The following P4HA1 variants were observed in gnomAD, a reference collection of about 807,000 sequenced individuals.
P4HA1 encodes prolyl 4-hydroxylase subunit alpha-1.
A neutral mutation model predicts 72.8 loss-of-function variants in P4HA1; 24 were observed. The ratio of observed to expected loss-of-function variants is 0.33; its 90% CI spans 0.24 to 0.46. The LOEUF (loss-of-function observed/expected upper bound fraction) is 0.46, where lower values mean the gene tolerates loss of function less well. Among genes scored for constraint, P4HA1 ranks in the 20% least tolerant of loss-of-function variants. The pLI is 1.00. For missense variants in P4HA1, 446 were observed against 640.6 expected (o/e 0.70, Z 3.28); for synonymous variants, 201 against 218.8 (o/e 0.92, Z 0.72).
intron 5 of P4HA1, 145 bp from the exon 6 acceptor site, chr10:73,053,735 T>A (rs997387094): frequency 1.5e-6 from 1 of 648,430 alleles, no homozygotes; most frequent in Admixed American, 2.9e-5. Flanking sequence ...CCTAATTTTA[T>A]AAACAATGGA....
At chr10:73,058,451 T>C (rs913397804) in intron 5 of P4HA1, among the ~76,000 whole-genome samples, 1 of 152,190 alleles carries the variant, frequency 6.6e-6, no homozygotes, top group Non-Finnish European at 1.5e-5. Context: ...ATGACACGCA[T>C]AGCATTCTTG....
In P4HA1 at chr10:73,044,975, T is replaced by G; in HGVS notation, c.1148+6A>C. On this transcript the variant is annotated splice_donor_region_variant and intron_variant, in intron 9 of 14. Transcript: ENST00000394890. ...GGGCAAAATATGCAGCATACACATCTCTTACCTTTTGCTAATTCTGTAATG... is the reference window on the plus strand; with the variant it reads ...GGGCAAAATATGCAGCATACACATCGCTTACCTTTTGCTAATTCTGTAATG... The G allele has an allele frequency of 6.2e-7, 1 of 1,609,844 alleles. No individual in the cohort carries two copies. Among genetic ancestry groups the G allele is most frequent in the Non-Finnish European group, 8.5e-7 (1 of 1,176,422 alleles).
intron 5 of P4HA1, among the ~76,000 whole-genome samples, chr10:73,060,515 G>C (rs1460092469): frequency 6.6e-6 from 1 of 152,222 alleles, no homozygotes; most frequent in Non-Finnish European, 1.5e-5. Flanking sequence ...CCAGGCTGTA[G>C]TGCACCATGA....
intron 1 of P4HA1, among the ~76,000 whole-genome samples, chr10:73,095,519 C>CT (rs1477179453): frequency 7.4e-6 from 1 of 134,796 alleles, no homozygotes; most frequent in Non-Finnish European, 1.5e-5. Context: ...CTAACCAGAA[C>CT]TTTAAAAAAA....
At chr10:73,016,137 G>A (rs1247132634) in intron 11 of P4HA1, among the ~76,000 whole-genome samples, 1 of 152,004 alleles carries the variant, frequency 6.6e-6, no homozygotes, top group Non-Finnish European at 1.5e-5. Flanking sequence ...AGAATTCCCC[G>A]TCCTTGCCAT....
In P4HA1 at chr10:73,068,998, A is replaced by G; in HGVS notation, c.326-15T>C. The G allele has an allele frequency of 1.3e-6, 2 of 1,588,812 alleles. No individual in the cohort carries two copies. Among genetic ancestry groups the G allele is most frequent in the South Asian group, 2.3e-5 (2 of 88,370 alleles). ...AGAGATAAAGCCTTGAAATAGATAA[A>G]TCAAAGAAAAAAAAACTGTAGAACC... On this transcript the variant is annotated splice_polypyrimidine_tract_variant and intron_variant, in intron 4 of 14. Coordinates refer to ENST00000394890, the MANE Select transcript of P4HA1 (RefSeq NM_001017962.3).
At chr10:73,078,600 ATTTTT>A (rs770821126) in intron 1 of P4HA1, among the ~76,000 whole-genome samples, 2 of 99,700 alleles carry the variant, frequency 2.0e-5, no homozygotes, top group Admixed American at 1.0e-4. Context: ...GCAGTAGGTA[ATTTTT>A]TTTTTTTTTT....
intron 1 of P4HA1, among the ~76,000 whole-genome samples, chr10:73,079,071 A>G (rs976617951): frequency 1.3e-5 from 2 of 152,234 alleles, no homozygotes; most frequent in Non-Finnish European, 2.9e-5. Context: ...CTCTCTAACA[A>G]AAGAGTAGCT....
Position 73,058,064 on chromosome 10 carries a change from T to C in P4HA1, c.464-4474A>G, listed in dbSNP as rs1337767082. Among the ~76,000 whole-genome samples the C allele has an allele frequency of 8.4e-5, 10 of 119,600 alleles. No individual in the cohort carries two copies. In the Admixed American group the frequency reaches 1.2e-3, roughly 14 times the overall value. 78.5% of individuals were successfully genotyped at this position (119,600 alleles called of 152,430 possible). A position where few individuals can be genotyped will look rare whatever the true frequency, so the allele number is the denominator to read the frequency against. ...AAGATTGCACCACTGCACTCCAGTCTGGGTGACAGAGCAAGACTCCGTCCA... is the reference window on the plus strand; with the variant it reads ...AAGATTGCACCACTGCACTCCAGTCCGGGTGACAGAGCAAGACTCCGTCCA... On this transcript the variant is annotated intron_variant, in intron 5 of 14. Coordinates refer to ENST00000394890, the MANE Select transcript of P4HA1 (RefSeq NM_001017962.3).
chr10:73,038,168 T>C (rs780492089), intron 9 of P4HA1, among the ~76,000 whole-genome samples: 54 of 152,110 alleles, frequency 3.6e-4, no homozygotes, highest in Non-Finnish European at 6.5e-4. Flanking sequence ...GGTGGGAGGA[T>C]TGCTTGAGCC....
chr10:73,026,546 G>A (rs917262322), intron 10 of P4HA1, among the ~76,000 whole-genome samples: 14 of 152,258 alleles, frequency 9.2e-5, no homozygotes, highest in African/African-American at 3.4e-4. Context: ...ATAGGCATGG[G>A]CAAGGACTTC....
intron 4 of P4HA1, 21 bp downstream of exon 4, chr10:73,072,008 C>G (rs1433129672): frequency 1.9e-6 from 3 of 1,573,590 alleles, no homozygotes; most frequent in Non-Finnish European, 2.6e-6. Flanking sequence ...TTACCTTACT[C>G]AGGAATCTCT....
intron 5 of P4HA1, among the ~76,000 whole-genome samples, chr10:73,054,445 G>A (rs1248715556): frequency 6.6e-6 from 1 of 152,114 alleles, no homozygotes; most frequent in Non-Finnish European, 1.5e-5. Flanking sequence ...AAGAAACCCT[G>A]TAACCATTAA....
At chr10:73,075,616 A>G (rs1841679525) in intron 1 of P4HA1, among the ~76,000 whole-genome samples, 1 of 152,142 alleles carries the variant, frequency 6.6e-6, no homozygotes, top group African/African-American at 2.4e-5. Context: ...TAAATATTAA[A>G]TATTACCAAT....
chr10:73,094,368 C>T (rs1238588392), intron 1 of P4HA1, among the ~76,000 whole-genome samples: 3 of 152,016 alleles, frequency 2.0e-5, no homozygotes, highest in Non-Finnish European at 2.9e-5. Context: ...TTTAGGGGTT[C>T]TTATAATAAA....
At chr10:73,054,664 AG>A (rs1841096462) in intron 5 of P4HA1, among the ~76,000 whole-genome samples, 1 of 152,246 alleles carries the variant, frequency 6.6e-6, no homozygotes, top group Non-Finnish European at 1.5e-5. Context: ...TAACGTTTTG[AG>A]GAACTGCCAA....
intron 11 of P4HA1, 77 bp from the exon 12 acceptor site, chr10:73,014,366 G>T: frequency 9.6e-7 from 1 of 1,040,440 alleles, no homozygotes; most frequent in Non-Finnish European, 1.5e-6. Context: ...CTAAACATCA[G>T]TAGTAATATC....
chr10:73,009,471 C>T (rs145927668), intron 14 of P4HA1, among the ~76,000 whole-genome samples: 279 of 152,290 alleles, frequency 1.8e-3, no homozygotes, highest in African/African-American at 6.4e-3. Flanking sequence ...CAGTCACCAT[C>T]TTCTGTTTAC....
At position 73,008,301 on chromosome 10, in the gene P4HA1, G is replaced by A. The variant is rs1839836529; in HGVS notation, c.1535-9C>T. On this transcript the variant is annotated splice_polypyrimidine_tract_variant and intron_variant, in intron 14 of 14. Coordinates refer to ENST00000394890, the MANE Select transcript of P4HA1 (RefSeq NM_001017962.3). ...GAGCCATTTATTGGATACTGTGAGA[G>A]AAAAGTAATATATTAATTTTCCCCC... is the stretch of plus-strand genomic sequence containing the variant. The A allele has an allele frequency of 1.3e-6, 2 of 1,523,412 alleles. No individual in the cohort carries two copies. Among genetic ancestry groups the A allele is most frequent in the Non-Finnish European group, 1.8e-6 (2 of 1,098,242 alleles). The allele number at this position is 1,523,412 out of a possible 1,614,324, so 94.4% of individuals were successfully genotyped here. A position where few individuals can be genotyped will look rare whatever the true frequency, so the allele number is the denominator to read the frequency against.
Sources: gnomAD v4.1 joint callset for allele counts (sites outside exome capture counted in the v4.1 genomes callset) on GRCh38, gnomAD v4.1.1 for gene constraint, MANE v1.5 for transcripts, NCBI Gene and HGNC (gene_info 2026-07-23, HGNC 2026-07-21) for gene names.